Variants in DPP6 observed in about 807,000 individuals in gnomAD.
The protein encoded by DPP6 is dipeptidyl peptidase like 6.
In DPP6, 69 loss-of-function variants were observed where a neutral mutation model predicts 122.6. That is an observed-to-expected ratio of 0.56 (90% CI 0.46 to 0.69). The LOEUF (loss-of-function observed/expected upper bound fraction) is 0.69. DPP6 is among the 30% of genes least tolerant of loss of function. The pLI is 0.00. For missense variants in DPP6, 928 were observed against 1,116.9 expected (o/e 0.83, Z 2.41); for synonymous variants, 418 against 433.1 (o/e 0.97, Z 0.43).
chr7:154,399,014 C>T (rs945813302), intron 1 of DPP6, among the ~76,000 whole-genome samples: 2 of 152,182 alleles, frequency 1.3e-5, no homozygotes, highest in East Asian at 3.9e-4. Context: ...GAGCAGGGCT[C>T]TTAATTGATA....
At chr7:154,360,463 G>T (rs1049312964) in intron 1 of DPP6, among the ~76,000 whole-genome samples, 1 of 152,162 alleles carries the variant, frequency 6.6e-6, no homozygotes, top group Non-Finnish European at 1.5e-5. Flanking sequence ...CAAGATGATC[G>T]TTCCAGACAG....
chr7:154,479,722 A>T (rs1168159777), intron 3 of DPP6, among the ~76,000 whole-genome samples: 1 of 152,028 alleles, frequency 6.6e-6, no homozygotes, highest in Non-Finnish European at 1.5e-5. Context: ...TGCACTTCTT[A>T]ACCTTTTGGA....
chr7:154,756,906 C>T (rs1027625995), intron 8 of DPP6, among the ~76,000 whole-genome samples: 61 of 152,046 alleles, frequency 4.0e-4, no homozygotes, highest in Middle Eastern at 3.4e-3. Flanking sequence ...CCTTTCCACC[C>T]GTCACATCCC....
intron 1 of DPP6, among the ~76,000 whole-genome samples, chr7:154,183,743 CCCA>C (rs910324852): frequency 6.6e-6 from 1 of 152,184 alleles, no homozygotes; most frequent in African/African-American, 2.4e-5. Flanking sequence ...GGATAGAAAC[CCCA>C]CAGGCGCAGT....
At position 154,540,627 on chromosome 7, in the gene DPP6, G is replaced by GT; in HGVS notation, c.552+2dup. 6.5e-7 allele frequency: 1 copy of GT among 1,527,866 alleles called. No homozygotes were observed. The highest frequency in any genetic ancestry group is 1.7e-4 in the Middle Eastern group (1 of 5,862). The allele number at this position is 1,527,866 out of a possible 1,614,324, so 94.6% of individuals were successfully genotyped here. A position where few individuals can be genotyped will look rare whatever the true frequency, so the allele number is the denominator to read the frequency against. ...TGTCTTAATAGAAGGCAAAAAAATT[G>GT]TAAGTACTCTCTTTAATGACCGGGA... On this transcript the variant is annotated splice_donor_variant, in intron 4 of 25. Coordinates refer to ENST00000377770, the MANE Select transcript of DPP6 (RefSeq NM_130797.4). LOFTEE classifies it high-confidence loss of function.
intron 3 of DPP6, among the ~76,000 whole-genome samples, chr7:154,538,361 T>G (rs1008416342): frequency 1.3e-5 from 2 of 152,182 alleles, no homozygotes; most frequent in African/African-American, 2.4e-5. Context: ...AAGCCCTGCA[T>G]GCATTAGCTA....
the DPP6 span, among the ~76,000 whole-genome samples, chr7:153,866,339 G>A: frequency 3.3e-5 from 5 of 152,014 alleles, no homozygotes; most frequent in African/African-American, 4.8e-5. Context: ...TTTAATGATC[G>A]CCGTTCTACC....
intron 12 of DPP6, 73 bp downstream of exon 12, chr7:154,795,956 G>A (rs368372469): frequency 3.9e-6 from 6 of 1,543,298 alleles, no homozygotes; most frequent in East Asian, 4.7e-5. Context: ...TCAGAGCTTC[G>A]ACAACAGCAG....
intron 1 of DPP6, among the ~76,000 whole-genome samples, chr7:154,322,924 C>T (rs1400902198): frequency 1.3e-5 from 2 of 152,114 alleles, no homozygotes; most frequent in African/African-American, 4.8e-5. Flanking sequence ...AAAATCAAAT[C>T]AGGTAATGTG....
intron 1 of DPP6, among the ~76,000 whole-genome samples, chr7:154,060,764 TC>T (rs564710484): frequency 7.9e-6 from 1 of 127,350 alleles, no homozygotes; most frequent in Non-Finnish European, 1.7e-5. Flanking sequence ...CAGTCCCTCT[TC>T]CCCCCCTGGC....
Position 154,662,020 on chromosome 7 carries a change from G to A in DPP6, c.681-7340G>A, listed in dbSNP as rs1368064949. Reference sequence around the variant, plus strand: ...CATATAGTCATGGTGAATCACCATGGCATATTGGCCATAGTGTTCATATAG... The same window carrying A: ...CATATAGTCATGGTGAATCACCATGACATATTGGCCATAGTGTTCATATAG... On this transcript the variant is annotated intron_variant, in intron 6 of 25. Coordinates refer to ENST00000377770, the MANE Select transcript of DPP6 (RefSeq NM_130797.4). Among the ~76,000 whole-genome samples the A allele has an allele frequency of 5.0e-3, 753 of 149,732 alleles. 8 individuals carry two copies. Among genetic ancestry groups the A allele is most frequent in the Admixed American group, 0.011 (163 of 15,132 alleles).
intron 6 of DPP6, among the ~76,000 whole-genome samples, chr7:154,667,917 A>G (rs1158430812): frequency 6.6e-6 from 1 of 151,838 alleles, no homozygotes; most frequent in Non-Finnish European, 1.5e-5. Context: ...CAGACACTTC[A>G]TCTAAAACTA....
intron 3 of DPP6, among the ~76,000 whole-genome samples, chr7:154,489,377 T>A (rs1824074727): frequency 6.6e-6 from 1 of 152,210 alleles, no homozygotes; most frequent in Admixed American, 6.5e-5. Context: ...AAGCTGAGTA[T>A]TTGCAGGACG....
chr7:153,820,158 A>G, the DPP6 span, among the ~76,000 whole-genome samples: 1 of 152,192 alleles, frequency 6.6e-6, no homozygotes, highest in Non-Finnish European at 1.5e-5. Flanking sequence ...GTGATTTTGG[A>G]ACAGAAAGTC....
chr7:154,720,037 G>A (rs1192793054), intron 7 of DPP6, among the ~76,000 whole-genome samples: 1 of 152,166 alleles, frequency 6.6e-6, no homozygotes, highest in Non-Finnish European at 1.5e-5. Flanking sequence ...CTGTTCTGTT[G>A]GTGAGGAGGG....
intron 1 of DPP6, among the ~76,000 whole-genome samples, chr7:154,351,224 GAGGA>G (rs1241700557): frequency 3.9e-5 from 6 of 152,144 alleles, no homozygotes; most frequent in African/African-American, 1.4e-4. Flanking sequence ...TTAATTTTAT[GAGGA>G]CGGTTTCCCT....
the DPP6 span, among the ~76,000 whole-genome samples, chr7:153,750,312 A>G: frequency 5.3e-5 from 8 of 151,560 alleles, no homozygotes; most frequent in African/African-American, 1.9e-4. Flanking sequence ...TATATGTTTC[A>G]CATTTACATT....
At chr7:154,219,369 A>T (rs1800176662) in intron 1 of DPP6, among the ~76,000 whole-genome samples, 1 of 152,330 alleles carries the variant, frequency 6.6e-6, no homozygotes, top group Admixed American at 6.5e-5. Flanking sequence ...TTCTTTGCCC[A>T]ACAATACACA....
In DPP6 at chr7:154,893,660, C is replaced by T. The variant is rs1370656299; in HGVS notation, c.*1180C>T. The T allele has an allele frequency of 6.6e-6, 1 of 151,832 alleles. No individual in the cohort carries two copies. Among genetic ancestry groups the T allele is most frequent in the Non-Finnish European group, 1.5e-5 (1 of 67,986 alleles). 9.4% of individuals were successfully genotyped at this position (151,832 alleles called of 1,614,324 possible). On this transcript the variant is annotated 3_prime_UTR_variant, in exon 26 of 26. Transcript: ENST00000377770. ...GCTACGTTAGCCTTGTAAGATACAC[C>T]CCCACCAAATGTGCAGCCGGTGTTC...
Sources: gnomAD v4.1 joint callset for allele counts (sites outside exome capture counted in the v4.1 genomes callset) on GRCh38, gnomAD v4.1.1 for gene constraint, MANE v1.5 for transcripts, NCBI Gene and HGNC (gene_info 2026-07-23, HGNC 2026-07-21) for gene names.